CLIP1: variants seen among roughly 807,000 people sequenced by gnomAD.
CLIP1 encodes the protein CAP-Gly domain-containing linker protein 1.
In CLIP1, 66 loss-of-function variants were observed where a neutral mutation model predicts 161.6. That is an observed-to-expected ratio of 0.41 (90% CI 0.33 to 0.50). CLIP1 has a LOEUF of 0.50. CLIP1 is among the 20% of genes least tolerant of loss of function. CLIP1 has a pLI of 0.27. For synonymous variants in CLIP1, 598 were observed against 626.2 expected, an observed-to-expected ratio of 0.96 and a Z score of 0.67; for missense variants, 1,376 against 1,702.0, an observed-to-expected ratio of 0.81 and a Z score of 3.37.
At chr12:122,327,894 G>A (rs1047804498) in intron 17 of CLIP1, 53 bp downstream of exon 17, 15 of 1,552,596 alleles carry the variant, frequency 9.7e-6, no homozygotes, top group African/African-American at 2.7e-5. Flanking sequence ...TTCCTGCCTC[G>A]ACACAGAGCT....
chr12:122,386,823 CA>C (rs10538864), intron 1 of CLIP1, among the ~76,000 whole-genome samples: 13,336 of 124,012 alleles, frequency 0.11, 944 homozygotes, highest in East Asian at 0.45. Context: ...CAATATGTCT[CA>C]AAAAAAAAAA....
intron 20 of CLIP1, among the ~76,000 whole-genome samples, chr12:122,289,804 TG>T (rs1327084229): frequency 1.7e-5 from 2 of 120,546 alleles, no homozygotes; most frequent in Non-Finnish European, 3.3e-5. Context: ...ACACTGTTAA[TG>T]TTTTTTTTTT....
In CLIP1 at chr12:122,351,142, T is replaced by G; in HGVS notation, c.1370A>C (p.Gln457Pro). 1.3e-6 allele frequency: 2 copies of G among 1,497,554 alleles called. No individual in the cohort carries two copies. Among genetic ancestry groups the G allele is most frequent in the Non-Finnish European group, 1.8e-6 (2 of 1,131,564 alleles). The allele number at this position is 1,497,554 out of a possible 1,614,324, so 92.8% of individuals were successfully genotyped here. The part of the protein sequence containing the change: ...EESITKGDLE[Q>P]KSQISEDPEN... ...AGGATCTTCAGAAATCTGGCTCTTT[T>G]GCTATCAGTAAAAAAATAAAAAAAA... Residue 457 changes from glutamine to proline, a missense_variant and splice_region_variant, in exon 9 of 26, where the codon CAA (glutamine) becomes CCA (proline). By Grantham distance (76) the Gln-to-Pro change is moderately conservative. Transcript: ENST00000620786.
At position 122,311,488 on chromosome 12, in the gene CLIP1, G is replaced by A. The variant is rs373171442; in HGVS notation, c.3474-1606C>T. 3.6e-4 allele frequency among the ~76,000 whole-genome samples: 54 copies of A among 151,658 alleles called. No homozygotes were observed. The highest frequency in any genetic ancestry group is 5.7e-4 in the Non-Finnish European group (39 of 67,930). On this transcript the variant is annotated intron_variant, in intron 19 of 25. Transcript: ENST00000620786. The surrounding 1 kb of genome is among the most constrained non-coding windows in gnomAD (Gnocchi z 4.3). ...CGCCCAGGCTGGAGTGCAGTGGCAC[G>A]AACTCGGCTCACTGCAAGCTCCACC...
intron 19 of CLIP1, among the ~76,000 whole-genome samples, chr12:122,314,526 G>C (rs1175315415): frequency 6.6e-6 from 1 of 152,058 alleles, no homozygotes; most frequent in Non-Finnish European, 1.5e-5. Flanking sequence ...CAGGAAAATG[G>C]AATTTTATCT....
chr12:122,378,092 G>A, intron 2 of CLIP1, 132 bp from the exon 3 acceptor site: 1 of 789,158 alleles, frequency 1.3e-6, no homozygotes, highest in Non-Finnish European at 2.0e-6. Flanking sequence ...TTAAAGTGTG[G>A]TTTTTTGTTC....
chr12:122,347,267 C>T, intron 10 of CLIP1, 108 bp downstream of exon 10: 2 of 732,622 alleles, frequency 2.7e-6, no homozygotes, highest in Non-Finnish European at 4.8e-6. Flanking sequence ...AGACCAAACT[C>T]AGGTTGAACC....
At position 122,365,505 on chromosome 12, in the gene CLIP1, C is replaced by T. The variant is rs1954097717; in HGVS notation, c.658-1398G>A. ...GAAAATGATCAGAAAAAGAAAGAAGCCAAAGAGCAAGGGACCTGGGTTCAA... is the reference window on the plus strand; with the variant it reads ...GAAAATGATCAGAAAAAGAAAGAAGTCAAAGAGCAAGGGACCTGGGTTCAA... On this transcript the variant is annotated intron_variant, in intron 3 of 25. Transcript: ENST00000620786. 3.3e-5 allele frequency: 27 copies of T among 819,504 alleles called. 1 individual carries two copies. The South Asian group carries it at 3.6e-4, about 11-fold the overall frequency. The allele number at this position is 819,504 out of a possible 1,614,324, so 50.8% of individuals were successfully genotyped here.
chr12:122,383,557 G>A (rs1405353661), intron 1 of CLIP1, among the ~76,000 whole-genome samples: 1 of 152,154 alleles, frequency 6.6e-6, no homozygotes, highest in Admixed American at 6.6e-5. Flanking sequence ...TCCTAACGCG[G>A]AGAACTGTGA....
At chr12:122,348,269 G>A (rs568522398) in intron 9 of CLIP1, among the ~76,000 whole-genome samples, 21 of 152,172 alleles carry the variant, frequency 1.4e-4, no homozygotes, top group Non-Finnish European at 2.9e-4. Flanking sequence ...GAATTACAAA[G>A]AGAAAATTTA....
intron 1 of CLIP1, among the ~76,000 whole-genome samples, chr12:122,391,553 T>G (rs568115450): frequency 1.5e-4 from 23 of 152,276 alleles, no homozygotes; most frequent in African/African-American, 5.5e-4. Context: ...GCCATCGTAC[T>G]CCAGCCTGGG....
At chr12:122,298,917 T>C (rs895480074) in intron 20 of CLIP1, among the ~76,000 whole-genome samples, 3 of 151,520 alleles carry the variant, frequency 2.0e-5, no homozygotes, top group Non-Finnish European at 2.9e-5. Context: ...ATCGCGCCAC[T>C]GCACTCCAGC....
At chr12:122,422,307 G>A (rs1005814825) in intron 1 of CLIP1, among the ~76,000 whole-genome samples, 3 of 151,766 alleles carry the variant, frequency 2.0e-5, no homozygotes, top group Non-Finnish European at 4.4e-5. Flanking sequence ...CAGCTCCGGA[G>A]GAGCCCCCCA....
intron 1 of CLIP1, among the ~76,000 whole-genome samples, chr12:122,403,959 T>C (rs1956229550): frequency 6.6e-6 from 1 of 152,184 alleles, no homozygotes; most frequent in Non-Finnish European, 1.5e-5. Flanking sequence ...GCTCAGAATG[T>C]GTGCCCTAAC....
At chr12:122,283,163 T>A (rs1955713404) in intron 21 of CLIP1, among the ~76,000 whole-genome samples, 1 of 152,156 alleles carries the variant, frequency 6.6e-6, no homozygotes, top group Admixed American at 6.5e-5. Flanking sequence ...CTCCCAAATC[T>A]GCATCAGGCT....
At chr12:122,356,039 CT>C (rs1593146543) in intron 5 of CLIP1, 1 of 152,214 alleles carries the variant, frequency 6.6e-6, no homozygotes, top group East Asian at 1.9e-4. Context: ...CAGCGAGGAT[CT>C]TTCCTCAATT....
Position 122,393,912 on chromosome 12 carries a change from C to CAAAAAAAAAAAAAAAA in CLIP1, c.-106-13370_-106-13355dup, listed in dbSNP as rs71082981. 7.9e-4 allele frequency among the ~76,000 whole-genome samples: 50 copies of CAAAAAAAAAAAAAAAA among 63,190 alleles called. 2 individuals carry two copies. Among genetic ancestry groups the CAAAAAAAAAAAAAAAA allele is most frequent in the African/African-American group, 2.2e-3 (48 of 21,656 alleles). 41.5% of individuals were successfully genotyped at this position (63,190 alleles called of 152,430 possible). ...GGGTGACAGAGTGAGATTCTGTCTC[C>CAAAAAAAAAAAAAAAA]AAAAAAAAAAAAAAAAAAGATTCTA... is the stretch of plus-strand genomic sequence containing the variant. On this transcript the variant is annotated intron_variant, in intron 1 of 25. Transcript: ENST00000620786.
chr12:122,350,242 G>A (rs1018421395), intron 9 of CLIP1, among the ~76,000 whole-genome samples: 2 of 152,060 alleles, frequency 1.3e-5, no homozygotes, highest in African/African-American at 2.4e-5. Context: ...CAGCTGCCAG[G>A]AGGTGGTAGG....
At chr12:122,413,608 G>C (rs1956621322) in intron 1 of CLIP1, among the ~76,000 whole-genome samples, 1 of 152,162 alleles carries the variant, frequency 6.6e-6, no homozygotes, top group South Asian at 2.1e-4. Flanking sequence ...GAAAACATTA[G>C]GGCAGCAAAA....
Sources: allele counts gnomAD v4.1 joint callset (sites outside exome capture counted in the v4.1 genomes callset), GRCh38; gene constraint gnomAD v4.1.1; non-coding constraint Gnocchi (gnomAD v3.1); transcripts MANE v1.5; gene names NCBI Gene and HGNC (gene_info 2026-07-23, HGNC 2026-07-21).